The following TTLL4 variants were observed in gnomAD, a reference collection of about 807,000 sequenced individuals.
TTLL4 encodes the protein tubulin monoglutamylase TTLL4.
A neutral mutation model predicts 122.7 loss-of-function variants in TTLL4; 85 were observed. The observed-to-expected ratio is 0.69, with a 90% CI of 0.58 to 0.83. The LOEUF is 0.83. Among genes scored for constraint, TTLL4 ranks in the 40% least tolerant of loss-of-function variants. The pLI is 0.00. For missense variants in TTLL4, 1,363 were observed against 1,488.6 expected, an observed-to-expected ratio of 0.92 and a Z score of 1.39; for synonymous variants, 553 against 563.0, an observed-to-expected ratio of 0.98 and a Z score of 0.25.
intron 2 of TTLL4, among the ~76,000 whole-genome samples, chr2:218,730,316 A>AAAAAAAAAAAAAAAG (rs1942336422): frequency 5.9e-5 from 2 of 33,834 alleles, no homozygotes; most frequent in Non-Finnish European, 1.2e-4. Context: ...AAATCCAAAA[A>AAAAAAAAAAAAAAAG]AAAAAAAAAA....
intron 1 of TTLL4, among the ~76,000 whole-genome samples, chr2:218,715,926 G>A (rs557464031): frequency 1.2e-4 from 18 of 152,164 alleles, no homozygotes; most frequent in South Asian, 6.2e-4. Context: ...CACCACACCC[G>A]GCCTGGAATG....
At chr2:218,756,518 G>A (rs1235935464), downstream of TTLL4, among the ~76,000 whole-genome samples, 2 of 152,122 alleles carry the variant, frequency 1.3e-5, no homozygotes, top group African/African-American at 4.8e-5. Flanking sequence ...GTAGGAGAAA[G>A]GAATGGGACT....
downstream of TTLL4, chr2:218,755,453 A>G (rs1943133185): frequency 6.6e-6 from 1 of 152,220 alleles, no homozygotes; most frequent in African/African-American, 2.4e-5. Flanking sequence ...GAGATCTCAA[A>G]GGACCCCAGC....
rs774166545 is a variant in TTLL4, at chr2:218,737,629, T to C, written c.-48T>C. ...GCTACTACCGGAGGTGTGTGGCACC[T>C]TACCTCAGCAAGGCCATGAGACCGT... is the stretch of plus-strand genomic sequence containing the variant. On this transcript the variant is annotated 5_prime_UTR_variant, in exon 3 of 20. Transcript: ENST00000392102. 2 of 1,529,374 alleles carry C rather than the reference T, an allele frequency of 1.3e-6. No individual in the cohort carries two copies. Among genetic ancestry groups the C allele is most frequent in the Non-Finnish European group, 1.8e-6 (2 of 1,139,716 alleles). The allele number at this position is 1,529,374 out of a possible 1,614,324, so 94.7% of individuals were successfully genotyped here.
rs374172544 is a variant in TTLL4 at position 218,747,214 on chromosome 2, C to T, written c.2166+20C>T. 1 of 1,614,064 alleles carries T rather than the reference C, an allele frequency of 6.2e-7. No homozygotes were observed. On this transcript the variant is annotated intron_variant, in intron 9 of 19. Coordinates refer to ENST00000392102, the MANE Select transcript of TTLL4 (RefSeq NM_014640.5). The surrounding 1 kb of genome is among the most constrained non-coding windows in gnomAD (Gnocchi z 4.7). ...AAGCCAGTGAGTGAATCACAGTGGG[C>T]AGGAGACTATGGTCTGTGAGTGGGA... is the stretch of plus-strand genomic sequence containing the variant.
Position 218,746,077 on chromosome 2 carries a change from A to G in TTLL4, c.1898-78A>G, listed in dbSNP as rs975205908. 2.6e-6 allele frequency: 4 copies of G among 1,549,842 alleles called. No individual in the cohort carries two copies. The African/African-American group carries it at 4.1e-5, about 16-fold the overall frequency. On this transcript the variant is annotated intron_variant, in intron 7 of 19. Transcript: ENST00000392102. ...AAAACCAAGTCTGGGAGCTCTGCCC[A>G]GTTCTGGGGCCTCTGGGCCTCTCTC...
At chr2:218,748,003 T>C (rs906681194) in intron 11 of TTLL4, 102 bp from the exon 12 acceptor site, 1 of 1,482,630 alleles carries the variant, frequency 6.7e-7, no homozygotes, top group African/African-American at 1.4e-5. Context: ...AAAAGATCTG[T>C]GTACTTGTTC....
chr2:218,728,376 A>G (rs959703539), intron 2 of TTLL4, among the ~76,000 whole-genome samples: 3 of 152,220 alleles, frequency 2.0e-5, no homozygotes, highest in African/African-American at 7.2e-5. Flanking sequence ...GATTCTCATA[A>G]GAAGCATGCA....
Position 218,748,198 on chromosome 2 carries a change from A to G in TTLL4, c.2472A>G (p.Ala824=). Reference sequence around the variant, plus strand: ...AGAATGCCGAGTACCAGGCCAATGCAGATGAAATGGCTTGCCAGGGCCACA... The same window carrying G: ...AGAATGCCGAGTACCAGGCCAATGCGGATGAAATGGCTTGCCAGGGCCACA... ...NKKNAEYQAN[A]DEMACQGHKW... The change falls in exon 12 of 20, where the codon GCA becomes GCG. Residue 824 remains alanine, a synonymous_variant. Coordinates refer to ENST00000392102, the MANE Select transcript of TTLL4 (RefSeq NM_014640.5). The G allele has an allele frequency of 6.2e-7, 1 of 1,614,196 alleles. No individual in the cohort carries two copies. Among genetic ancestry groups the G allele is most frequent in the Non-Finnish European group, 8.5e-7 (1 of 1,180,020 alleles).
chr2:218,738,351 A>G lies in TTLL4; in HGVS notation c.675A>G (p.Pro225=), dbSNP rs1478710678. The change falls in exon 3 of 20, where the codon CCA becomes CCG. Residue 225 remains proline (P), a synonymous_variant. Transcript: ENST00000392102. ...PMLNNNSFMW[P]NSTPVPLLQT... ...TGAATAATAATTCCTTCATGTGGCC[A>G]AATAGCACGCCAGTGCCTTTATTGC... 38 of 1,614,048 alleles carry G rather than the reference A, an allele frequency of 2.4e-5. No individual in the cohort carries two copies. The highest frequency in any genetic ancestry group is 3.2e-5 in the Non-Finnish European group (38 of 1,180,046).
intron 15 of TTLL4, 91 bp from the exon 16 acceptor site, chr2:218,751,613 G>T: frequency 6.7e-7 from 1 of 1,494,056 alleles, no homozygotes; most frequent in East Asian, 2.5e-5. Flanking sequence ...CTCTCAAGAA[G>T]GGTGTCTGCT....
intron 3 of TTLL4, 37 bp from the exon 4 acceptor site, chr2:218,740,021 G>T: frequency 6.3e-7 from 1 of 1,587,432 alleles, no homozygotes; most frequent in Non-Finnish European, 8.6e-7. Context: ...CTCTTTGATG[G>T]AGTTGACTAG....
chr2:218,733,747 C>T (rs1942441744), intron 2 of TTLL4, among the ~76,000 whole-genome samples: 2 of 152,184 alleles, frequency 1.3e-5, no homozygotes, highest in African/African-American at 4.8e-5. Context: ...TATCCTTGTC[C>T]TCCCTCTTCC....
chr2:218,743,677 T>G (rs1043133434), intron 5 of TTLL4, among the ~76,000 whole-genome samples: 2 of 151,216 alleles, frequency 1.3e-5, no homozygotes, highest in Non-Finnish European at 2.9e-5. Context: ...TTTTTTGTTT[T>G]GTTTTGTTTT....
chr2:218,740,542 T>C lies in TTLL4; in HGVS notation c.1619T>C (p.Leu540Ser). Residue 540 changes from leucine (L) to serine (S), a missense_variant, in exon 5 of 20, where the codon TTA becomes TCA. By Grantham distance (145) the Leu-to-Ser change is moderately radical. This residue lies in a region of TTLL4 where 760 missense variants were observed against 808.4 expected (regional missense o/e 0.94). Transcript: ENST00000392102. The part of the protein sequence containing the change: ...EEEGDSECSS[L>S]SAVSPSESVA... ...CTAGGAGACTCAGAGTGCTCCTCAT[T>C]AAGTGCTGTCTCCCCCAGCGAATCG... 1.2e-6 allele frequency: 2 copies of C among 1,614,162 alleles called. No individual in the cohort carries two copies. The highest frequency in any genetic ancestry group is 2.2e-5 in the South Asian group (2 of 91,080).
At chr2:218,750,764 A>G (rs947229703) in intron 15 of TTLL4, among the ~76,000 whole-genome samples, 116 of 152,126 alleles carry the variant, frequency 7.6e-4, no homozygotes, top group African/African-American at 2.3e-3. Flanking sequence ...CTGCTTATGG[A>G]GTTTCTCCCT....
chr2:218,714,623 G>T (rs2106383638), intron 1 of TTLL4, among the ~76,000 whole-genome samples: 1 of 152,144 alleles, frequency 6.6e-6, no homozygotes, highest in African/African-American at 2.4e-5. Context: ...TCATAGATAT[G>T]CTAGAGAAGC....
rs1942809433 is a variant in TTLL4, at chr2:218,745,224, G to A, written c.1777G>A (p.Asp593Asn). The change falls in exon 6 of 20, where the codon GAT becomes AAT. Residue 593 changes from aspartate to asparagine, a missense_variant. Physicochemically the swap from Asp to Asn is conservative, Grantham distance 23. Coordinates refer to ENST00000392102, the MANE Select transcript of TTLL4 (RefSeq NM_014640.5). Reference sequence around the variant, plus strand: ...CCCTACCATCTATTTTGGCACTCGGGATGAGAGAGGTAAACCTGGCCAAGT... The same window carrying A: ...CCCTACCATCTATTTTGGCACTCGGAATGAGAGAGGTAAACCTGGCCAAGT... Reference protein sequence around the residue: ...VPPTIYFGTRDERVEKLPWEQ... With the variant: ...VPPTIYFGTRNERVEKLPWEQ... 1 of 1,614,010 alleles carries A rather than the reference G, an allele frequency of 6.2e-7. No individual in the cohort carries two copies. Among genetic ancestry groups the A allele is most frequent in the Non-Finnish European group, 8.5e-7 (1 of 1,179,940 alleles).
At chr2:218,746,655 G>T in intron 8 of TTLL4, 1 of 371,456 alleles carries the variant, frequency 2.7e-6, no homozygotes, top group Non-Finnish European at 4.9e-6. Flanking sequence ...AGGACTTCTG[G>T]TCTCACATTG....
Sources: allele counts gnomAD v4.1 joint callset (sites outside exome capture counted in the v4.1 genomes callset), GRCh38; gene constraint gnomAD v4.1.1; regional missense constraint gnomAD v4.1.1; non-coding constraint Gnocchi (gnomAD v3.1); transcripts MANE v1.5; gene names NCBI Gene and HGNC (gene_info 2026-07-23, HGNC 2026-07-21).